NAT1: variants seen among roughly 807,000 people sequenced by gnomAD.
The protein encoded by NAT1 is arylamine N-acetyltransferase 1.
For missense variants in NAT1, 400 were observed against 339.2 expected (o/e 1.18, Z -1.41); for synonymous variants, 144 against 122.6 (o/e 1.17, Z -1.16).
intron 1 of NAT1, among the ~76,000 whole-genome samples, chr8:18,218,280 AG>A (rs2117399834): frequency 6.6e-6 from 1 of 152,314 alleles, no homozygotes; most frequent in East Asian, 1.9e-4. Context: ...TTCTAAAAAA[AG>A]TTCACGTTTT....
chr8:18,216,788 A>G, intron 1 of NAT1: 1 of 708,892 alleles, frequency 1.4e-6, no homozygotes, highest in Non-Finnish European at 2.3e-6. Context: ...GATACTGGGT[A>G]TGATGAGAAT....
chr8:18,213,413 T>C lies in NAT1; in HGVS notation c.-86+3233T>C, dbSNP rs28359496. Among the ~76,000 whole-genome samples, 173 of 152,312 alleles carry C rather than the reference T, an allele frequency of 1.1e-3. 3 individuals are homozygous for C. The East Asian group carries it at 0.027, about 23-fold the overall frequency. On this transcript the variant is annotated intron_variant, in intron 1 of 2. Coordinates refer to ENST00000307719, the MANE Select transcript of NAT1 (RefSeq NM_000662.8). ...ATATGTTCTGTTAAAAATCTTTTCA[T>C]TGGCGGGCCATCAGACTGGGTGACT...
At chr8:18,185,948 G>C (rs577136258) in intron 2 of NAT1, among the ~76,000 whole-genome samples, 1 of 152,150 alleles carries the variant, frequency 6.6e-6, no homozygotes, top group Non-Finnish European at 1.5e-5. Context: ...CAAATATTTA[G>C]AAAGTTTAAG....
intron 1 of NAT1, among the ~76,000 whole-genome samples, chr8:18,214,717 T>A (rs1318373852): frequency 6.6e-6 from 1 of 152,170 alleles, no homozygotes; most frequent in African/African-American, 2.4e-5. Flanking sequence ...AATCCAGGGG[T>A]ACATGTACAG....
chr8:18,211,134 A>C (rs1366771690), intron 1 of NAT1: 1 of 151,742 alleles, frequency 6.6e-6, no homozygotes, highest in African/African-American at 2.4e-5. Context: ...AAGGACACTT[A>C]CTGGAGAGGG....
chr8:18,205,826 C>T (rs540277166), upstream of NAT1, among the ~76,000 whole-genome samples: 1 of 152,124 alleles, frequency 6.6e-6, no homozygotes, highest in South Asian at 2.1e-4. Context: ...ATGTAGCTCC[C>T]AGGGCGCTGC....
chr8:18,216,485 C>T (rs1160542120), intron 1 of NAT1, among the ~76,000 whole-genome samples: 1 of 152,168 alleles, frequency 6.6e-6, no homozygotes, highest in Non-Finnish European at 1.5e-5. Context: ...AGAGGACTGG[C>T]TTCAGTTACC....
Position 18,216,225 on chromosome 8 carries a change from G to T in NAT1, c.-85-3186G>T, listed in dbSNP as rs192674707. Among the ~76,000 whole-genome samples the T allele has an allele frequency of 3.3e-3, 497 of 152,292 alleles. 3 individuals carry two copies. The highest frequency in any genetic ancestry group is 0.017 in the South Asian group (82 of 4,820). On this transcript the variant is annotated intron_variant, in intron 1 of 2. Coordinates refer to ENST00000307719, the MANE Select transcript of NAT1 (RefSeq NM_000662.8). ...TGGTGTCTAATTTTGAGTGACCTGG[G>T]ATTTTTATAATTGCCAAACGTTTTG...
intron 1 of NAT1, among the ~76,000 whole-genome samples, chr8:18,212,981 T>G (rs1005741306): frequency 6.6e-6 from 1 of 151,576 alleles, no homozygotes; most frequent in African/African-American, 2.4e-5. Flanking sequence ...CTCAGCTCCC[T>G]GCAACCTCCA....
chr8:18,187,150 T>C (rs1238974609), intron 2 of NAT1, among the ~76,000 whole-genome samples: 1 of 152,168 alleles, frequency 6.6e-6, no homozygotes, highest in Non-Finnish European at 1.5e-5. Flanking sequence ...CACAATGATA[T>C]ACCATCTGAC....
intron 2 of NAT1, among the ~76,000 whole-genome samples, chr8:18,204,807 A>T (rs948626358): frequency 6.6e-6 from 1 of 152,230 alleles, no homozygotes; most frequent in Non-Finnish European, 1.5e-5. Context: ...AATTTTGGTG[A>T]AGAATGTTAT....
chr8:18,203,681 T>C (rs1053481153), intron 2 of NAT1, among the ~76,000 whole-genome samples: 1 of 152,190 alleles, frequency 6.6e-6, no homozygotes, highest in Non-Finnish European at 1.5e-5. Context: ...AGCTCTATAA[T>C]TGGTGTGTAC....
chr8:18,201,147 A>T (rs1023902016), intron 2 of NAT1: 1 of 152,208 alleles, frequency 6.6e-6, no homozygotes, highest in African/African-American at 2.4e-5. Context: ...TCGGTAAATT[A>T]TTATTCCTGC....
intron 2 of NAT1, among the ~76,000 whole-genome samples, chr8:18,181,385 A>C (rs1281024391): frequency 6.6e-6 from 1 of 152,166 alleles, no homozygotes; most frequent in African/African-American, 2.4e-5. Flanking sequence ...AATAGAAAAA[A>C]AATAGAGATG....
chr8:18,218,900 C>T (rs577532678), intron 1 of NAT1, among the ~76,000 whole-genome samples: 6 of 152,212 alleles, frequency 3.9e-5, no homozygotes, highest in South Asian at 2.1e-4. Context: ...GCTCTGATAG[C>T]GGATCTTCTG....
chr8:18,211,069 T>C (rs1804054444), intron 1 of NAT1: 1 of 152,320 alleles, frequency 6.6e-6, no homozygotes. Context: ...CCTCCCAAAG[T>C]GCTGGGATTA....
chr8:18,176,027 G>T (rs1009346952), intron 2 of NAT1, among the ~76,000 whole-genome samples: 1 of 152,176 alleles, frequency 6.6e-6, no homozygotes, highest in Non-Finnish European at 1.5e-5. Context: ...TGCCTGTTCA[G>T]ATCCTTTGCC....
chr8:18,221,038 C>T (rs1013810606), intron 2 of NAT1, among the ~76,000 whole-genome samples: 1 of 152,194 alleles, frequency 6.6e-6, no homozygotes, highest in Non-Finnish European at 1.5e-5. Context: ...CTCTCATTTA[C>T]ATTTCTCATT....
intron 2 of NAT1, among the ~76,000 whole-genome samples, chr8:18,221,140 T>C (rs1210738329): frequency 2.6e-5 from 4 of 152,212 alleles, no homozygotes. Context: ...TTCTTACTCA[T>C]GTGCTCCAAT....
Sources: gnomAD v4.1 joint callset for allele counts (sites outside exome capture counted in the v4.1 genomes callset) on GRCh38, gnomAD v4.1.1 for gene constraint, MANE v1.5 for transcripts, NCBI Gene and HGNC (gene_info 2026-07-23, HGNC 2026-07-21) for gene names.